COL5A1: variants seen among roughly 807,000 people sequenced by gnomAD.
COL5A1 encodes the protein collagen alpha-1(V) chain.
COL5A1 carries 16 observed loss-of-function variants against 263.7 expected under a neutral mutation model. The ratio of observed to expected loss-of-function variants is 0.06; its 90% CI spans 0.04 to 0.09. COL5A1 has a LOEUF of 0.09. COL5A1 is among the 10% of genes least tolerant of loss of function. The pLI is 1.00. For synonymous variants in COL5A1, 1,012 were observed against 1,004.5 expected (o/e 1.01, Z -0.14); for missense variants, 2,036 against 2,540.5 (o/e 0.80, Z 4.27).
rs557212062 is a variant in COL5A1, at chr9:134,780,675, G to A, written c.2430+529G>A. Among the ~76,000 whole-genome samples the A allele has an allele frequency of 3.9e-5, 6 of 152,366 alleles. No individual in the cohort carries two copies. In the East Asian group the frequency reaches 1.2e-3, roughly 29 times the overall value. On this transcript the variant is annotated intron_variant, in intron 28 of 65. Transcript: ENST00000371817. ...TCAGGCCTAAGCAGATCACTGTGGT[G>A]AAGACAAAGCTAAACTACACCCCCA...
chr9:134,775,643 C>T (rs896105253), intron 27 of COL5A1, among the ~76,000 whole-genome samples: 2 of 152,288 alleles, frequency 1.3e-5, no homozygotes, highest in East Asian at 1.9e-4. Context: ...TACCCCTAGG[C>T]GCACGCGGAC....
rs1837403402 is a variant in COL5A1 at position 134,784,992 on chromosome 9, G to A, written c.2488G>A (p.Glu830Lys). The change falls in exon 30 of 66, where the codon GAG becomes AAG. Residue 830 changes from glutamate (E) to lysine (K), a missense_variant. Transcript: ENST00000371817. ...GDMGIKGDRG[E>K]IGPPGPRGED... is the part of the protein sequence containing the mutation. Reference sequence around the variant, plus strand: ...CCTCCTCTTTTCTGGCTTGCAGGGGGAGATCGGCCCACCCGGTCCCAGGGG... The same window carrying A: ...CCTCCTCTTTTCTGGCTTGCAGGGGAAGATCGGCCCACCCGGTCCCAGGGG... The A allele has an allele frequency of 6.2e-7, 1 of 1,613,022 alleles. No homozygotes were observed. Among genetic ancestry groups the A allele is most frequent in the Non-Finnish European group, 8.5e-7 (1 of 1,179,850 alleles).
At chr9:134,786,533 A>G (rs943609297) in intron 31 of COL5A1, among the ~76,000 whole-genome samples, 1 of 152,182 alleles carries the variant, frequency 6.6e-6, no homozygotes, top group African/African-American at 2.4e-5. Context: ...TGGGTTGTCC[A>G]TACCCAGAAT....
intron 9 of COL5A1, among the ~76,000 whole-genome samples, chr9:134,734,046 G>A (rs1448220036): frequency 2.6e-5 from 4 of 152,134 alleles, no homozygotes; most frequent in Admixed American, 2.6e-4. Context: ...AATGAGCTTC[G>A]TGTTGGCTCA....
rs544837872 is a variant in COL5A1 at position 134,716,085 on chromosome 9, G to C, written c.655-11181G>C. 3.9e-5 allele frequency among the ~76,000 whole-genome samples: 6 copies of C among 152,186 alleles called. No individual in the cohort carries two copies. Among genetic ancestry groups the C allele is most frequent in the Middle Eastern group, 6.8e-3 (2 of 294 alleles). On this transcript the variant is annotated intron_variant, in intron 4 of 65. Transcript: ENST00000371817. This position sits in a 1 kb window ranked among gnomAD's most constrained non-coding sequence, Gnocchi z 4.5. ...TGGTGGTCATGATGCTAGCAGTGTGGTGGTTCTGTGGTTTTGGTGCTGGTG... is the reference window on the plus strand; with the variant it reads ...TGGTGGTCATGATGCTAGCAGTGTGCTGGTTCTGTGGTTTTGGTGCTGGTG...
rs1839926950 is a variant in COL5A1, at chr9:134,838,823, C to T, written c.5371-3334C>T. Among the ~76,000 whole-genome samples, 3 of 152,350 alleles carry T rather than the reference C, an allele frequency of 2.0e-5. No homozygotes were observed. In the South Asian group the frequency reaches 6.2e-4, roughly 32 times the overall value. On this transcript the variant is annotated intron_variant, in intron 65 of 65. Coordinates refer to ENST00000371817, the MANE Select transcript of COL5A1 (RefSeq NM_000093.5). The stretch of plus-strand genomic sequence containing the variant: ...TAACCCCAGATGGCAGGGGCAGGCT[C>T]TGCGGCCAAGCTGGACAGGTGGTTT...
chr9:134,825,657 G>C lies in COL5A1; in HGVS notation c.4955-135G>C, dbSNP rs190933915. On this transcript the variant is annotated intron_variant, in intron 62 of 65. Transcript: ENST00000371817. ...GCAAAATGCAATAAAGTAAACCCCA[G>C]AAAGGCCCGTGTTGGCGGCATTCCT... is the stretch of plus-strand genomic sequence containing the variant. 5.0e-4 allele frequency: 326 copies of C among 645,956 alleles called. 5 individuals are homozygous for C. In the East Asian group the frequency reaches 9.9e-3, roughly 20 times the overall value. The allele number at this position is 645,956 out of a possible 1,614,324, so 40.0% of individuals were successfully genotyped here. A position where few individuals can be genotyped will look rare whatever the true frequency, so the allele number is the denominator to read the frequency against.
chr9:134,669,261 C>CCTTCCCTTCT (rs1564376384), intron 1 of COL5A1, among the ~76,000 whole-genome samples: 2 of 98,574 alleles, frequency 2.0e-5, no homozygotes, highest in East Asian at 6.0e-4. Context: ...CCTTCCCTTC[C>CCTTCCCTTCT]CTTCCCTTCC....
Position 134,739,428 on chromosome 9 carries a change from T to C in COL5A1, c.1494+620T>C, listed in dbSNP as rs186977649. Among the ~76,000 whole-genome samples the C allele has an allele frequency of 1.4e-3, 216 of 152,340 alleles. 4 individuals carry two copies. In the East Asian group the frequency reaches 0.04, roughly 28 times the overall value. On this transcript the variant is annotated intron_variant, in intron 11 of 65. Coordinates refer to ENST00000371817, the MANE Select transcript of COL5A1 (RefSeq NM_000093.5). ...TGCAGAAGGACTAAGAACTGATTCC[T>C]GGACAGCTGGCTTGTGGGTGGGAGA... is the stretch of plus-strand genomic sequence containing the variant.
At chr9:134,772,639 G>A in intron 25 of COL5A1, 151 bp from the exon 26 acceptor site, 1 of 897,420 alleles carries the variant, frequency 1.1e-6, no homozygotes, top group South Asian at 1.3e-5. Context: ...TGGCTGCCTG[G>A]CCAGCTGCCT....
At chr9:134,775,004 G>T in intron 27 of COL5A1, 92 bp downstream of exon 27, 1 of 1,176,486 alleles carries the variant, frequency 8.5e-7, no homozygotes, top group Non-Finnish European at 1.2e-6. Flanking sequence ...ATTCTCTGTG[G>T]TTTAATGTCC....
At chr9:134,836,393 C>T (rs900997908) in intron 65 of COL5A1, among the ~76,000 whole-genome samples, 5 of 150,960 alleles carry the variant, frequency 3.3e-5, no homozygotes, top group African/African-American at 1.2e-4. Flanking sequence ...CACCAAGCCC[C>T]GTGACCCAGA....
At chr9:134,691,180 C>A in intron 2 of COL5A1, 101 bp downstream of exon 2, 1 of 1,468,496 alleles carries the variant, frequency 6.8e-7, no homozygotes. Context: ...GAAGCGGGCT[C>A]AGCTTTCCAG....
intron 1 of COL5A1, among the ~76,000 whole-genome samples, chr9:134,683,726 C>T (rs1007594276): frequency 6.6e-6 from 1 of 152,214 alleles, no homozygotes; most frequent in Non-Finnish European, 1.5e-5. Flanking sequence ...TTTGATACTC[C>T]CTCTCCATCA....
intron 2 of COL5A1, chr9:134,691,820 G>A (rs1833292690): frequency 6.6e-6 from 1 of 152,604 alleles, no homozygotes; most frequent in South Asian, 2.1e-4. Flanking sequence ...GACGGGGGAT[G>A]TAGGGCAGGT....
At chr9:134,783,386 G>C (rs1837332162) in intron 29 of COL5A1, among the ~76,000 whole-genome samples, 2 of 152,236 alleles carry the variant, frequency 1.3e-5, no homozygotes, top group Non-Finnish European at 2.9e-5. Flanking sequence ...GTGACGGGCT[G>C]CACGTTCCTG....
chr9:134,701,253 G>A lies in COL5A1; in HGVS notation c.574G>A (p.Asp192Asn), dbSNP rs138579182. Reference protein sequence around the residue: ...DCKKKTTKFLDRSDHPMIDIN... With the variant: ...DCKKKTTKFLNRSDHPMIDIN... ...TAAAAAGAAGACCACCAAATTCCTC[G>A]ACCGCAGCGACCACCCCATGATCGA... Residue 192 changes from aspartate to asparagine, a missense_variant, in exon 4 of 66, where the codon GAC becomes AAC. Asp to Asn is a conservative substitution (Grantham distance 23). Coordinates refer to ENST00000371817, the MANE Select transcript of COL5A1 (RefSeq NM_000093.5). 31,265 of 1,613,818 alleles carry A rather than the reference G, an allele frequency of 0.019. 419 individuals carry two copies. Among genetic ancestry groups the A allele is most frequent in the Non-Finnish European group, 0.022 (25,394 of 1,179,968 alleles).
chr9:134,767,272 G>A lies in COL5A1; in HGVS notation c.2188-38G>A, dbSNP rs773259951. The A allele has an allele frequency of 1.5e-5, 24 of 1,599,682 alleles. 1 individual carries two copies. The highest frequency in any genetic ancestry group is 1.2e-4 in the Admixed American group (7 of 59,986). ...AGGGGAGGGTTCTGAGTCAATCAGC[G>A]CCCTCACCTTCCCTTTCTGGCTCTT... On this transcript the variant is annotated intron_variant, in intron 23 of 65. Coordinates refer to ENST00000371817, the MANE Select transcript of COL5A1 (RefSeq NM_000093.5).
chr9:134,823,222 A>G (rs1839095592), intron 60 of COL5A1, among the ~76,000 whole-genome samples, 189 bp downstream of exon 60: 1 of 152,184 alleles, frequency 6.6e-6, no homozygotes, highest in Admixed American at 6.5e-5. Flanking sequence ...TGCCCTAGGA[A>G]GGGCTCCATC....
Sources: allele counts gnomAD v4.1 joint callset (sites outside exome capture counted in the v4.1 genomes callset), GRCh38; gene constraint gnomAD v4.1.1; non-coding constraint Gnocchi (gnomAD v3.1); transcripts MANE v1.5; gene names NCBI Gene and HGNC (gene_info 2026-07-23, HGNC 2026-07-21).